DNAI2: variants seen among roughly 807,000 people sequenced by gnomAD.
DNAI2 encodes dynein axonemal intermediate chain 2, also known as dynein, axonemal, intermediate polypeptide 2.
DNAI2 carries 63 observed loss-of-function variants against 74.7 expected under a neutral mutation model. The ratio of observed to expected loss-of-function variants is 0.84; its 90% CI spans 0.69 to 1.04. The LOEUF (loss-of-function observed/expected upper bound fraction) is 1.04, where lower values mean the gene tolerates loss of function less well. Among genes scored for constraint, DNAI2 ranks in the 50% least tolerant of loss-of-function variants. The pLI is 0.00. For missense variants in DNAI2, 688 were observed against 803.2 expected (o/e 0.86, Z 1.73); for synonymous variants, 289 against 314.9 (o/e 0.92, Z 0.87).
At chr17:74,294,262 A>G (rs1428598723) in intron 6 of DNAI2, among the ~76,000 whole-genome samples, 1 of 122,838 alleles carries the variant, frequency 8.1e-6, no homozygotes. Context: ...TGTGCCACGT[A>G]TTTTCTAGTG....
Position 74,305,221 on chromosome 17 carries a change from C to T in DNAI2, c.990C>T (p.Pro330=). Residue 330 remains proline (P), a splice_region_variant and synonymous_variant, in exon 9 of 14, where the codon CCC becomes CCT. Transcript: ENST00000311014. ...CTCCTGTGTCACTCCTTCCACAGCC[C>T]ACCAAGTTCATGGTGGGGACCGAGC... ...AISLEFESTL[P]TKFMVGTEQG... 2 of 1,614,140 alleles carry T rather than the reference C, an allele frequency of 1.2e-6. No individual in the cohort carries two copies. The highest frequency in any genetic ancestry group is 1.6e-4 in the Middle Eastern group (1 of 6,062).
chr17:74,304,173 CTTTTTCTTTTTTCTTTT>C (rs1243007127), intron 8 of DNAI2, among the ~76,000 whole-genome samples: 6 of 111,076 alleles, frequency 5.4e-5, no homozygotes, highest in African/African-American at 2.0e-4. Context: ...TTTCTTTTTT[CTTTTTCTTTTTTCTTTT>C]TTTTTTTTTT....
At chr17:74,298,812 C>T (rs1367041611) in intron 6 of DNAI2, among the ~76,000 whole-genome samples, 18 of 152,096 alleles carry the variant, frequency 1.2e-4, no homozygotes, top group Non-Finnish European at 2.9e-5. Flanking sequence ...TTTGTAGAGA[C>T]GGGGTCTCAC....
chr17:74,299,926 C>G (rs72656916), intron 7 of DNAI2, 69 bp downstream of exon 7: 559 of 1,598,608 alleles, frequency 3.5e-4, no homozygotes, highest in Admixed American at 1.1e-3. Context: ...GGTTCCCCAT[C>G]AGAACCCCTG....
intron 8 of DNAI2, 89 bp downstream of exon 8, chr17:74,301,257 G>C (rs555349032): frequency 2.5e-6 from 4 of 1,589,706 alleles, no homozygotes; most frequent in Middle Eastern, 1.9e-4. Flanking sequence ...TCAGGTGCTC[G>C]TGGAACCCAG....
chr17:74,305,386 C>T lies in DNAI2; in HGVS notation c.1155C>T (p.Asp385=). 6.2e-7 allele frequency: 1 copy of T among 1,614,170 alleles called. No homozygotes were observed. Among genetic ancestry groups the T allele is most frequent in the Non-Finnish European group, 8.5e-7 (1 of 1,180,038 alleles). Residue 385 remains aspartate (D), a synonymous_variant, in exon 9 of 14, where the codon GAC becomes GAT. Coordinates refer to ENST00000311014, the MANE Select transcript of DNAI2 (RefSeq NM_023036.6). ...CGAAGAACTTCCTGACGGTTGGCGA[C>T]TGGACAGCCCGCATTTGGTCTGAAG... ...FYPKNFLTVG[D]WTARIWSEDS...
intron 1 of DNAI2, among the ~76,000 whole-genome samples, chr17:74,278,876 ATAAC>A (rs765051692): frequency 3.9e-5 from 6 of 152,234 alleles, no homozygotes; most frequent in Non-Finnish European, 7.3e-5. Context: ...ACATTTAAAA[ATAAC>A]TAACAGGCCG....
chr17:74,291,026 CCAA>C lies in DNAI2; in HGVS notation c.621_623del (p.Asn207del), dbSNP rs763228543. On this transcript the variant is annotated inframe_deletion, in exon 6 of 14. Coordinates refer to ENST00000311014, the MANE Select transcript of DNAI2 (RefSeq NM_023036.6). ...ATTTTTTTGTGCTTTATAGAAAACCCCAACAAGCCTGAACTTGCTCTGAAGCCA... is the reference window on the plus strand; with the variant it reads ...ATTTTTTTGTGCTTTATAGAAAACCCCAAGCCTGAACTTGCTCTGAAGCCA... 1.9e-5 allele frequency: 31 copies of C among 1,613,968 alleles called. No homozygotes were observed. In the East Asian group the frequency reaches 6.5e-4, roughly 34 times the overall value.
intron 8 of DNAI2, among the ~76,000 whole-genome samples, chr17:74,301,375 G>C (rs1417051931): frequency 6.6e-6 from 1 of 152,198 alleles, no homozygotes; most frequent in African/African-American, 2.4e-5. Context: ...GGACACCATA[G>C]TCATCATGGC....
intron 4 of DNAI2, among the ~76,000 whole-genome samples, chr17:74,288,815 C>T (rs2051910243): frequency 1.3e-5 from 2 of 151,994 alleles, no homozygotes; most frequent in South Asian, 4.2e-4. Flanking sequence ...AAAGCAAGGC[C>T]GTCCAATCAG....
chr17:74,305,670 CTTTT>C (rs4007906), intron 9 of DNAI2, among the ~76,000 whole-genome samples: 2 of 122,244 alleles, frequency 1.6e-5, no homozygotes, highest in African/African-American at 3.5e-5. Context: ...ATTTTATTTC[CTTTT>C]TTTTTTTTTT....
intron 5 of DNAI2, among the ~76,000 whole-genome samples, chr17:74,290,193 G>C (rs931022938): frequency 2.0e-5 from 3 of 152,194 alleles, no homozygotes; most frequent in Non-Finnish European, 2.9e-5. Flanking sequence ...GTGGGTGCCT[G>C]TAATCCCAGC....
chr17:74,278,401 G>A (rs2051210370), intron 1 of DNAI2, among the ~76,000 whole-genome samples: 1 of 152,176 alleles, frequency 6.6e-6, no homozygotes, highest in Non-Finnish European at 1.5e-5. Flanking sequence ...CTGCACTCCA[G>A]CCTGGATGAC....
At chr17:74,283,352 A>G (rs550039734) in intron 2 of DNAI2, among the ~76,000 whole-genome samples, 14 of 152,354 alleles carry the variant, frequency 9.2e-5, no homozygotes, top group Non-Finnish European at 1.6e-4. Flanking sequence ...TCAAGCCTGT[A>G]ATCCCAGTAC....
At chr17:74,285,968 T>TAG (rs1475354910) in intron 3 of DNAI2, among the ~76,000 whole-genome samples, 22 of 137,192 alleles carry the variant, frequency 1.6e-4, no homozygotes, top group South Asian at 1.5e-3. Context: ...CATATATATA[T>TAG]ATAGAGAGAG....
rs746940559 is a variant in DNAI2, at chr17:74,301,206, G to A, written c.987+38G>A. The A allele has an allele frequency of 2.0e-5, 33 of 1,611,578 alleles. No homozygotes were observed. The South Asian group carries it at 3.5e-4, about 17-fold the overall frequency. On this transcript the variant is annotated intron_variant, in intron 8 of 13. Transcript: ENST00000311014. Reference sequence around the variant, plus strand: ...TGCTGTCCCTTCCCCGACTTGCATTGACAGGGCAGCCAGGGCTAAAGACAG... The same window carrying A: ...TGCTGTCCCTTCCCCGACTTGCATTAACAGGGCAGCCAGGGCTAAAGACAG...
intron 6 of DNAI2, among the ~76,000 whole-genome samples, chr17:74,297,637 C>T (rs986111320): frequency 2.6e-5 from 4 of 151,850 alleles, no homozygotes; most frequent in Non-Finnish European, 2.9e-5. Flanking sequence ...CCACCTTGAC[C>T]TCCCAAAGTG....
At chr17:74,278,894 G>A (rs1241041811) in intron 1 of DNAI2, among the ~76,000 whole-genome samples, 6 of 152,238 alleles carry the variant, frequency 3.9e-5, no homozygotes, top group Non-Finnish European at 5.9e-5. Flanking sequence ...CAGGCCGGGC[G>A]CGGTGGCTCA....
rs753961397 is a variant in DNAI2 at position 74,299,897 on chromosome 17, G to C, written c.864+40G>C. 1.9e-6 allele frequency: 3 copies of C among 1,611,788 alleles called. No individual in the cohort carries two copies. The South Asian group carries it at 3.3e-5, about 18-fold the overall frequency. ...GACACTGGAGAGAGGAGGGAAGGGA[G>C]GGGCAGTAACTGTTCCCTGGTTCCC... On this transcript the variant is annotated intron_variant, in intron 7 of 13. Coordinates refer to ENST00000311014, the MANE Select transcript of DNAI2 (RefSeq NM_023036.6).
Sources: gnomAD v4.1 joint callset for allele counts (sites outside exome capture counted in the v4.1 genomes callset) on GRCh38, gnomAD v4.1.1 for gene constraint, MANE v1.5 for transcripts, NCBI Gene and HGNC (gene_info 2026-07-23, HGNC 2026-07-21) for gene names.